CNTN4: variants seen among roughly 807,000 people sequenced by gnomAD.
The protein encoded by CNTN4 is contactin 4.
Under a neutral mutation model 122.5 loss-of-function variants are expected in CNTN4, and 77 were observed. That is an observed-to-expected ratio of 0.63 (90% CI 0.52 to 0.76). The LOEUF is 0.76. CNTN4 is among the 30% of genes least tolerant of loss of function. The pLI is 0.00. For synonymous variants in CNTN4, 512 were observed against 447.0 expected (o/e 1.15, Z -1.83); for missense variants, 1,256 against 1,259.1 (o/e 1.00, Z 0.04).
At chr3:2,224,349 T>C (rs986724894) in intron 2 of CNTN4, among the ~76,000 whole-genome samples, 5 of 152,168 alleles carry the variant, frequency 3.3e-5, no homozygotes, top group African/African-American at 9.6e-5. Context: ...GGCACTGAGT[T>C]CCTAATAGGC....
chr3:2,863,861 T>C (rs1463200029), intron 7 of CNTN4, among the ~76,000 whole-genome samples: 4 of 152,226 alleles, frequency 2.6e-5, no homozygotes, highest in Non-Finnish European at 5.9e-5. Flanking sequence ...AATTTGATCA[T>C]GTAACCCTTT....
At chr3:2,869,902 A>G (rs1201692635) in intron 8 of CNTN4, among the ~76,000 whole-genome samples, 1 of 152,250 alleles carries the variant, frequency 6.6e-6, no homozygotes, top group Non-Finnish European at 1.5e-5. Flanking sequence ...AGACTGACAG[A>G]TGAAGAAAGT....
chr3:2,115,095 C>T (rs900358701), intron 2 of CNTN4, among the ~76,000 whole-genome samples: 2 of 152,208 alleles, frequency 1.3e-5, no homozygotes, highest in Non-Finnish European at 2.9e-5. Context: ...TGAGGCCTCT[C>T]TGATGAGCCT....
chr3:2,627,339 G>A (rs1408895302), intron 4 of CNTN4, among the ~76,000 whole-genome samples: 1 of 152,132 alleles, frequency 6.6e-6, no homozygotes, highest in East Asian at 1.9e-4. Context: ...TGCAAGTTAT[G>A]TTTATTTTCT....
At chr3:2,879,695 G>A (rs77228382) in intron 8 of CNTN4, among the ~76,000 whole-genome samples, 278 of 152,270 alleles carry the variant, frequency 1.8e-3, no homozygotes, top group African/African-American at 6.2e-3. Context: ...CTGAGACTGG[G>A]AATGGGGATT....
At chr3:2,343,277 C>T (rs1559470465) in intron 3 of CNTN4, among the ~76,000 whole-genome samples, 1 of 152,186 alleles carries the variant, frequency 6.6e-6, no homozygotes, top group Admixed American at 6.5e-5. Flanking sequence ...TCCCTTTGTA[C>T]TGCATTGCCG....
chr3:2,894,708 A>T (rs1411287649), intron 10 of CNTN4, among the ~76,000 whole-genome samples: 8 of 152,174 alleles, frequency 5.3e-5, no homozygotes, highest in Non-Finnish European at 5.9e-5. Context: ...AGATTAAAAA[A>T]ATAAAAGAAA....
chr3:2,385,033 C>T lies in CNTN4; in HGVS notation c.-89+45800C>T, dbSNP rs1320992466. Among the ~76,000 whole-genome samples the T allele has an allele frequency of 6.6e-6, 1 of 152,044 alleles. No homozygotes were observed. The highest frequency in any genetic ancestry group is 1.5e-5 in the Non-Finnish European group (1 of 67,998). On this transcript the variant is annotated intron_variant, in intron 3 of 24. Coordinates refer to ENST00000418658, the MANE Select transcript of CNTN4 (RefSeq NM_175607.3). This position sits in a 1 kb window ranked among gnomAD's most constrained non-coding sequence, Gnocchi z 4.0. ...CAGATCCTCCTTTTCTCTCTTGCTTCGCCTCTTACTCTTCCTTCCTAACTG... is the reference window on the plus strand; with the variant it reads ...CAGATCCTCCTTTTCTCTCTTGCTTTGCCTCTTACTCTTCCTTCCTAACTG...
intron 13 of CNTN4, among the ~76,000 whole-genome samples, chr3:2,934,585 A>G (rs2094552068): frequency 6.6e-6 from 1 of 152,244 alleles, no homozygotes; most frequent in South Asian, 2.1e-4. Flanking sequence ...TGTGGAAAGT[A>G]AAGTTTATTG....
At chr3:2,657,209 C>G (rs963669413) in intron 4 of CNTN4, among the ~76,000 whole-genome samples, 2 of 152,082 alleles carry the variant, frequency 1.3e-5, no homozygotes, top group Non-Finnish European at 2.9e-5. Context: ...TGTCAGAAAA[C>G]TAAATAAAAA....
rs752155789 is a variant in CNTN4, at chr3:2,927,341, C to G, written c.1358+1562C>G. 1.8e-5 allele frequency: 8 copies of G among 455,710 alleles called. No homozygotes were observed. The East Asian group carries it at 3.5e-4, about 20-fold the overall frequency. 28.2% of individuals were successfully genotyped at this position (455,710 alleles called of 1,614,324 possible). A position where few individuals can be genotyped will look rare whatever the true frequency, so the allele number is the denominator to read the frequency against. On this transcript the variant is annotated intron_variant, in intron 13 of 24. Transcript: ENST00000418658. Reference sequence around the variant, plus strand: ...TAGTGGCTCTGCTCCTCTCTAAGGCCAGCCTGGTGGACCAAGATGCTCTGG... The same window carrying G: ...TAGTGGCTCTGCTCCTCTCTAAGGCGAGCCTGGTGGACCAAGATGCTCTGG...
chr3:2,394,716 A>G (rs1195172381), intron 3 of CNTN4, among the ~76,000 whole-genome samples: 1 of 151,044 alleles, frequency 6.6e-6, no homozygotes, highest in Non-Finnish European at 1.5e-5. Flanking sequence ...CATTATGTTT[A>G]TTATGTTTGT....
At chr3:2,834,898 CTTTTT>C (rs71058653) in intron 7 of CNTN4, among the ~76,000 whole-genome samples, 1,259 of 60,444 alleles carry the variant, frequency 0.021, 22 homozygotes, top group African/African-American at 0.087. Context: ...TAAAGGCAAC[CTTTTT>C]TTTTTTTTTT....
chr3:2,872,916 C>G (rs951194347), intron 8 of CNTN4, among the ~76,000 whole-genome samples: 4 of 152,096 alleles, frequency 2.6e-5, no homozygotes, highest in African/African-American at 9.7e-5. Context: ...ACCATGTTTT[C>G]CCAAGTCCTC....
chr3:2,362,489 CT>C, intron 3 of CNTN4: 1 of 506,196 alleles, frequency 2.0e-6, no homozygotes, highest in Non-Finnish European at 3.9e-6. Context: ...CTTGTGTTCC[CT>C]GAGGTGGCTC....
chr3:2,984,498 T>C (rs1447759872), intron 13 of CNTN4, among the ~76,000 whole-genome samples: 1 of 152,186 alleles, frequency 6.6e-6, no homozygotes, highest in Non-Finnish European at 1.5e-5. Flanking sequence ...AAAGAATTGT[T>C]CAGTCCAAAA....
rs928656572 is a variant in CNTN4, at chr3:2,412,568, G to A, written c.-89+73335G>A. 9.2e-5 allele frequency among the ~76,000 whole-genome samples: 14 copies of A among 152,072 alleles called. 1 individual carries two copies. The highest frequency in any genetic ancestry group is 5.8e-4 in the East Asian group (3 of 5,182). Reference sequence around the variant, plus strand: ...ACACCCGGCCCAGTCAACAGTTCTCGTGTCAGATGGGTGTACCCACGTGGG... The same window carrying A: ...ACACCCGGCCCAGTCAACAGTTCTCATGTCAGATGGGTGTACCCACGTGGG... On this transcript the variant is annotated intron_variant, in intron 3 of 24. Coordinates refer to ENST00000418658, the MANE Select transcript of CNTN4 (RefSeq NM_175607.3).
At chr3:3,016,612 G>A (rs918493106) in intron 14 of CNTN4, among the ~76,000 whole-genome samples, 6 of 152,118 alleles carry the variant, frequency 3.9e-5, no homozygotes, top group Non-Finnish European at 8.8e-5. Context: ...TTAGAGACTT[G>A]GGAGGCAACC....
intron 13 of CNTN4, among the ~76,000 whole-genome samples, chr3:2,973,437 G>A (rs1320940680): frequency 6.6e-6 from 1 of 151,978 alleles, no homozygotes. Flanking sequence ...ATTCAGTTTT[G>A]TGATGTGGAG....
Sources: allele counts gnomAD v4.1 joint callset (sites outside exome capture counted in the v4.1 genomes callset), GRCh38; gene constraint gnomAD v4.1.1; non-coding constraint Gnocchi (gnomAD v3.1); transcripts MANE v1.5; gene names NCBI Gene and HGNC (gene_info 2026-07-23, HGNC 2026-07-21).